The following SEMA6D variants were observed in gnomAD, a reference collection of about 807,000 sequenced individuals.
SEMA6D encodes semaphorin-6D.
In SEMA6D, 35 loss-of-function variants were observed where a neutral mutation model predicts 106.6. The observed-to-expected ratio is 0.33, with a 90% CI of 0.25 to 0.44. The LOEUF (loss-of-function observed/expected upper bound fraction) is 0.44, where lower values mean the gene tolerates loss of function less well. Ranked by LOEUF, SEMA6D falls within the 20% of genes least tolerant of loss-of-function variation. The probability of loss-of-function intolerance (pLI) is 1.00; values close to 1 mark genes in which losing one functional copy is unlikely to be tolerated. For missense variants in SEMA6D, 1,185 were observed against 1,345.9 expected (o/e 0.88, Z 1.87); for synonymous variants, 499 against 487.7 (o/e 1.02, Z -0.31).
chr15:47,509,223 G>A (rs529645350), intron 3 of SEMA6D, among the ~76,000 whole-genome samples: 9 of 152,216 alleles, frequency 5.9e-5, no homozygotes, highest in Admixed American at 2.0e-4. Context: ...TGGTGTACCT[G>A]TGTGTTTGTG....
intron 3 of SEMA6D, among the ~76,000 whole-genome samples, chr15:47,482,707 G>A (rs184757913): frequency 1.1e-4 from 16 of 152,258 alleles, no homozygotes; most frequent in African/African-American, 3.4e-4. Context: ...AAAGCTAAGC[G>A]ACTACAAAGA....
intron 1 of SEMA6D, among the ~76,000 whole-genome samples, chr15:47,299,677 A>G (rs1325881610): frequency 1.3e-5 from 2 of 152,220 alleles, no homozygotes; most frequent in African/African-American, 4.8e-5. Context: ...CTTGATGACA[A>G]ACTACCCTGG....
intron 1 of SEMA6D, among the ~76,000 whole-genome samples, chr15:47,233,902 T>C (rs2032373604): frequency 6.6e-6 from 1 of 152,020 alleles, no homozygotes; most frequent in South Asian, 2.1e-4. Flanking sequence ...CTGCATGTCT[T>C]TTATTTCCTT....
chr15:47,542,505 C>T (rs997648748), intron 3 of SEMA6D, among the ~76,000 whole-genome samples: 2 of 152,154 alleles, frequency 1.3e-5, no homozygotes, highest in East Asian at 1.9e-4. Flanking sequence ...GTTGGCCAAG[C>T]TTATGTACAA....
chr15:47,257,071 T>TC lies in SEMA6D; in HGVS notation c.-239+72653_-239+72654insC, dbSNP rs1306149902. ...AGGAGAACAGAATTCTTTTTTTTTT[T>TC]TTTTGAGACAGAGTCTCGCTCTGTT... On this transcript the variant is annotated intron_variant, in intron 1 of 19. Coordinates refer to the SEMA6D transcript ENST00000558014. 6.1e-4 allele frequency among the ~76,000 whole-genome samples: 92 copies of TC among 151,282 alleles called. No homozygotes were observed. In the Middle Eastern group the frequency reaches 0.014, roughly 22 times the overall value.
At position 47,767,107 on chromosome 15, in the gene SEMA6D, A is replaced by C; in HGVS notation, c.1765+14A>C. 1 of 1,510,182 alleles carries C rather than the reference A, an allele frequency of 6.6e-7. No individual in the cohort carries two copies. The highest frequency in any genetic ancestry group is 9.1e-7 in the Non-Finnish European group (1 of 1,103,486). 93.5% of individuals were successfully genotyped at this position (1,510,182 alleles called of 1,614,324 possible). On this transcript the variant is annotated intron_variant, in intron 17 of 18. Coordinates refer to ENST00000536845, the MANE Select transcript of SEMA6D (RefSeq NM_001358351.3). The stretch of plus-strand genomic sequence containing the variant: ...GTCCAACATCTGGTTAGTTTTTTTT[A>C]ATTTTTTTGAATTAACAACCTTTTC...
rs561727620 is a variant in SEMA6D at position 47,668,917 on chromosome 15, G to A, written c.-55+68021G>A. On this transcript the variant is annotated intron_variant, in intron 4 of 19. Transcript: ENST00000558014. ...TAAATTACCGCAGTGCAATTCTGACGTTAAGGTACATCTTTTTGTTGCCTC... is the reference window on the plus strand; with the variant it reads ...TAAATTACCGCAGTGCAATTCTGACATTAAGGTACATCTTTTTGTTGCCTC... Among the ~76,000 whole-genome samples, 323 of 152,244 alleles carry A rather than the reference G, an allele frequency of 2.1e-3. 1 individual carries two copies. The highest frequency in any genetic ancestry group is 2.4e-3 in the Non-Finnish European group (164 of 68,016).
At chr15:47,529,620 A>AAAAAAAAAG (rs67065744) in intron 3 of SEMA6D, among the ~76,000 whole-genome samples, 3 of 150,772 alleles carry the variant, frequency 2.0e-5, no homozygotes, top group African/African-American at 7.3e-5. Flanking sequence ...AAAAAAAAAA[A>AAAAAAAAAG]CAAGTCATCT....
chr15:47,497,733 C>CTA (rs2043714570), intron 3 of SEMA6D, among the ~76,000 whole-genome samples: 1 of 152,086 alleles, frequency 6.6e-6, no homozygotes, highest in African/African-American at 2.4e-5. Context: ...CCCAAATCCA[C>CTA]CTTCTGCTAT....
At chr15:47,604,825 T>C (rs2143626759) in intron 4 of SEMA6D, among the ~76,000 whole-genome samples, 1 of 151,920 alleles carries the variant, frequency 6.6e-6, no homozygotes, top group Non-Finnish European at 1.5e-5. Context: ...GTCTCCCGAG[T>C]AGCTGGGACT....
chr15:47,282,719 C>G (rs1413507171), intron 1 of SEMA6D, among the ~76,000 whole-genome samples: 1 of 152,138 alleles, frequency 6.6e-6, no homozygotes, highest in East Asian at 1.9e-4. Flanking sequence ...GTGTGGGGCA[C>G]TATACTGGAA....
intron 1 of SEMA6D, among the ~76,000 whole-genome samples, chr15:47,376,685 C>T (rs189003772): frequency 7.8e-4 from 119 of 152,348 alleles, no homozygotes; most frequent in African/African-American, 2.8e-3. Context: ...CTGGGGAGCA[C>T]TGGCTCTTTA....
intron 4 of SEMA6D, among the ~76,000 whole-genome samples, chr15:47,641,524 T>G (rs1451055385): frequency 1.3e-5 from 2 of 152,122 alleles, no homozygotes; most frequent in Non-Finnish European, 2.9e-5. Flanking sequence ...GAATCTGCAT[T>G]TTGGTGAGGC....
intron 6 of SEMA6D, 48 bp downstream of exon 6, chr15:47,761,479 T>C: frequency 6.9e-7 from 1 of 1,446,484 alleles, no homozygotes; most frequent in South Asian, 1.2e-5. Context: ...CTTTTCTCCC[T>C]TCACTGATAT....
At chr15:47,533,892 C>T (rs1398014955) in intron 3 of SEMA6D, among the ~76,000 whole-genome samples, 2 of 152,126 alleles carry the variant, frequency 1.3e-5, no homozygotes, top group Non-Finnish European at 2.9e-5. Flanking sequence ...ATGAAAGAGT[C>T]AAAATTCAAA....
At chr15:47,643,636 G>C (rs2077529532) in intron 4 of SEMA6D, among the ~76,000 whole-genome samples, 1 of 152,114 alleles carries the variant, frequency 6.6e-6, no homozygotes, top group African/African-American at 2.4e-5. Context: ...TTTATTGACA[G>C]GCAGTAGTCG....
chr15:47,578,694 A>G (rs1478574748), intron 3 of SEMA6D, among the ~76,000 whole-genome samples: 3 of 152,172 alleles, frequency 2.0e-5, no homozygotes, highest in African/African-American at 7.2e-5. Flanking sequence ...TTAAAATTCC[A>G]ATATATTCTA....
chr15:47,563,880 C>T (rs1374634575), intron 3 of SEMA6D, among the ~76,000 whole-genome samples: 1 of 152,200 alleles, frequency 6.6e-6, no homozygotes, highest in South Asian at 2.1e-4. Context: ...GGCCAATGTC[C>T]TGTGGCAAAA....
chr15:47,511,562 G>T (rs910525871), intron 3 of SEMA6D, among the ~76,000 whole-genome samples: 2 of 152,054 alleles, frequency 1.3e-5, no homozygotes, highest in Non-Finnish European at 2.9e-5. Flanking sequence ...TGACACTATT[G>T]TCTCTCCCTT....
Sources: allele counts gnomAD v4.1 joint callset (sites outside exome capture counted in the v4.1 genomes callset), GRCh38; gene constraint gnomAD v4.1.1; transcripts MANE v1.5; gene names NCBI Gene and HGNC (gene_info 2026-07-23, HGNC 2026-07-21).